Variants in TMEM132D observed in about 807,000 individuals in gnomAD.
TMEM132D encodes transmembrane protein 132D.
TMEM132D carries 21 observed loss-of-function variants against 62.3 expected under a neutral mutation model. The observed-to-expected ratio is 0.34, with a 90% CI of 0.24 to 0.49. TMEM132D has a LOEUF of 0.49. Among genes scored for constraint, TMEM132D ranks in the 20% least tolerant of loss-of-function variants. The pLI is 0.99. For synonymous variants in TMEM132D, 621 were observed against 575.6 expected, an observed-to-expected ratio of 1.08 and a Z score of -1.13; for missense variants, 1,346 against 1,402.8, an observed-to-expected ratio of 0.96 and a Z score of 0.65.
intron 5 of TMEM132D, among the ~76,000 whole-genome samples, chr12:129,106,997 C>T (rs1345916490): frequency 1.3e-5 from 2 of 152,216 alleles, no homozygotes; most frequent in Non-Finnish European, 2.9e-5. Context: ...CATCCCCTAA[C>T]TGATCCTGAC....
intron 2 of TMEM132D, among the ~76,000 whole-genome samples, chr12:129,692,295 G>C (rs893686487): frequency 2.6e-5 from 4 of 152,146 alleles, no homozygotes; most frequent in African/African-American, 9.7e-5. Context: ...AACTAATCAG[G>C]ATAATTCATT....
chr12:129,107,564 A>C (rs975171194), intron 5 of TMEM132D, among the ~76,000 whole-genome samples: 1 of 152,208 alleles, frequency 6.6e-6, no homozygotes, highest in Non-Finnish European at 1.5e-5. Flanking sequence ...AACAAAGACA[A>C]AATATTCCCT....
intron 1 of TMEM132D, among the ~76,000 whole-genome samples, chr12:129,808,029 T>C (rs1338266790): frequency 1.3e-5 from 2 of 152,226 alleles, no homozygotes; most frequent in African/African-American, 4.8e-5. Flanking sequence ...AGTAGGGTTG[T>C]CTTCTTATTT....
chr12:129,686,697 C>A (rs1415182773), intron 2 of TMEM132D, among the ~76,000 whole-genome samples: 1 of 152,216 alleles, frequency 6.6e-6, no homozygotes, highest in South Asian at 2.1e-4. Context: ...AAATCCCACA[C>A]AAGCACTCCC....
chr12:129,526,104 T>A (rs560238987), intron 3 of TMEM132D, among the ~76,000 whole-genome samples: 24 of 152,326 alleles, frequency 1.6e-4, no homozygotes, highest in African/African-American at 5.8e-4. Flanking sequence ...AGCGTGCTAA[T>A]GTGAGTTTCC....
chr12:129,228,609 T>A (rs908599092), intron 4 of TMEM132D, among the ~76,000 whole-genome samples: 1 of 152,182 alleles, frequency 6.6e-6, no homozygotes, highest in Non-Finnish European at 1.5e-5. Flanking sequence ...AATCGAATCA[T>A]GTGATGTGTG....
At chr12:129,564,172 C>T (rs559974775) in intron 2 of TMEM132D, among the ~76,000 whole-genome samples, 2 of 152,268 alleles carry the variant, frequency 1.3e-5, no homozygotes, top group Admixed American at 6.5e-5. Flanking sequence ...AGAACTGATA[C>T]TCAAAGCTGA....
chr12:129,308,250 G>T (rs1321178278), intron 4 of TMEM132D, among the ~76,000 whole-genome samples: 1 of 152,074 alleles, frequency 6.6e-6, no homozygotes, highest in Non-Finnish European at 1.5e-5. Context: ...TCATTTACTT[G>T]TTCCTTCTCT....
intron 4 of TMEM132D, among the ~76,000 whole-genome samples, chr12:129,217,024 T>G (rs1452124696): frequency 2.0e-5 from 3 of 152,208 alleles, no homozygotes; most frequent in South Asian, 4.1e-4. Context: ...TTCTTTTTTG[T>G]CCCTAAAGTT....
chr12:129,868,907 G>C (rs891951406), intron 1 of TMEM132D, among the ~76,000 whole-genome samples: 1 of 152,144 alleles, frequency 6.6e-6, no homozygotes, highest in Non-Finnish European at 1.5e-5. Flanking sequence ...ATCCAGGAAA[G>C]AGAAAACCAG....
intron 3 of TMEM132D, among the ~76,000 whole-genome samples, chr12:129,523,467 T>C (rs1235854309): frequency 1.3e-5 from 2 of 152,184 alleles, no homozygotes; most frequent in African/African-American, 4.8e-5. Context: ...ATGACTCTTG[T>C]AGCTGTAGCA....
chr12:129,256,443 CAG>C (rs1333377776), intron 4 of TMEM132D, among the ~76,000 whole-genome samples: 1 of 151,826 alleles, frequency 6.6e-6, no homozygotes, highest in African/African-American at 2.4e-5. Flanking sequence ...TATTTAGAAA[CAG>C]AGTCTTGCTC....
chr12:129,212,052 A>T (rs1879067141), intron 4 of TMEM132D: 1 of 152,224 alleles, frequency 6.6e-6, no homozygotes, highest in Non-Finnish European at 1.5e-5. Context: ...ATCACAAAGG[A>T]GAGAGACAGA....
At chr12:129,659,257 A>G (rs1880174209) in intron 2 of TMEM132D, among the ~76,000 whole-genome samples, 1 of 152,152 alleles carries the variant, frequency 6.6e-6, no homozygotes, top group Non-Finnish European at 1.5e-5. Flanking sequence ...AATTGTCAAG[A>G]AAAATCGATG....
chr12:129,886,255 T>C (rs1418651760), intron 1 of TMEM132D, among the ~76,000 whole-genome samples: 1 of 152,202 alleles, frequency 6.6e-6, no homozygotes, highest in Non-Finnish European at 1.5e-5. Context: ...AACTGTCTAA[T>C]TGTACTTTTG....
chr12:129,093,355 T>G (rs1459170909), intron 5 of TMEM132D, among the ~76,000 whole-genome samples: 2 of 152,086 alleles, frequency 1.3e-5, no homozygotes, highest in African/African-American at 2.4e-5. Context: ...ACAAAATCAA[T>G]GTACAAAAAT....
At chr12:129,482,694 T>A (rs1350237406) in intron 3 of TMEM132D, among the ~76,000 whole-genome samples, 2 of 152,060 alleles carry the variant, frequency 1.3e-5, no homozygotes, top group African/African-American at 4.8e-5. Context: ...AACTTGTCTA[T>A]CAATTTCAAA....
chr12:129,244,385 CAAAAAAAAAAAA>C (rs751155633), intron 4 of TMEM132D, among the ~76,000 whole-genome samples: 1 of 85,194 alleles, frequency 1.2e-5, no homozygotes, highest in Non-Finnish European at 2.4e-5. Context: ...GACTCTGTCT[CAAAAAAAAAAAA>C]AAAAAAAAAA....
At chr12:129,824,597 G>C (rs1872615115) in intron 1 of TMEM132D, among the ~76,000 whole-genome samples, 1 of 152,230 alleles carries the variant, frequency 6.6e-6, no homozygotes, top group South Asian at 2.1e-4. Flanking sequence ...AGAAACATCA[G>C]AGCTTCCTTT....
Sources: allele counts gnomAD v4.1 joint callset (sites outside exome capture counted in the v4.1 genomes callset), GRCh38; gene constraint gnomAD v4.1.1; transcripts MANE v1.5; gene names NCBI Gene and HGNC (gene_info 2026-07-23, HGNC 2026-07-21).